The following NFIB variants were observed in gnomAD, a reference collection of about 807,000 sequenced individuals.
NFIB encodes nuclear factor I B, also known as nuclear factor 1 B-type.
In NFIB, 11 loss-of-function variants were observed where a neutral mutation model predicts 61.5. The observed-to-expected ratio is 0.18, with a 90% CI of 0.11 to 0.30. The LOEUF is 0.30. Among genes scored for constraint, NFIB ranks in the 10% least tolerant of loss-of-function variants. The pLI, the probability that NFIB is intolerant of heterozygous loss-of-function variation, is 1.00. For missense variants in NFIB, 471 were observed against 608.9 expected (o/e 0.77, Z 2.38); for synonymous variants, 260 against 216.5 (o/e 1.20, Z -1.76).
chr9:14,421,109 A>G, the NFIB span, among the ~76,000 whole-genome samples: 1 of 149,866 alleles, frequency 6.7e-6, no homozygotes, highest in East Asian at 1.9e-4. Flanking sequence ...TAAGGCATGT[A>G]TACCATGTGC....
intron 1 of NFIB, among the ~76,000 whole-genome samples, chr9:14,376,908 A>G (rs1211766345): frequency 1.3e-5 from 2 of 152,122 alleles, no homozygotes; most frequent in African/African-American, 4.8e-5. Flanking sequence ...CCTTCCTACA[A>G]TGATACAACT....
the NFIB span, among the ~76,000 whole-genome samples, chr9:14,446,793 T>C: frequency 1.3e-5 from 2 of 152,184 alleles, no homozygotes; most frequent in Non-Finnish European, 2.9e-5. Flanking sequence ...ATAGTATTAA[T>C]AAAAACAACT....
At chr9:14,232,745 G>C (rs2053337945) in intron 2 of NFIB, among the ~76,000 whole-genome samples, 1 of 152,184 alleles carries the variant, frequency 6.6e-6, no homozygotes, top group South Asian at 2.1e-4. Flanking sequence ...ACTCTTAAGT[G>C]ATTTACAGAA....
chr9:14,121,459 G>A (rs1563805697), intron 7 of NFIB, among the ~76,000 whole-genome samples: 1 of 152,132 alleles, frequency 6.6e-6, no homozygotes, highest in Non-Finnish European at 1.5e-5. Flanking sequence ...CATCCTACCT[G>A]GCAATTGTTT....
At chr9:14,440,932 G>T in the NFIB span, among the ~76,000 whole-genome samples, 1 of 152,148 alleles carries the variant, frequency 6.6e-6, no homozygotes, top group Non-Finnish European at 1.5e-5. Context: ...GAAAGGTGTT[G>T]TGTAGAACAT....
At chr9:14,250,561 G>T (rs1245200871) in intron 2 of NFIB, among the ~76,000 whole-genome samples, 1 of 152,176 alleles carries the variant, frequency 6.6e-6, no homozygotes, top group Non-Finnish European at 1.5e-5. Context: ...ATTTTGTGAA[G>T]GAGTGCTGAA....
rs118096137 is a variant in NFIB, at chr9:14,145,282, G to C, written c.925+1407C>G. ...AAATTTGCCTCCCCACCTAACACAG[G>C]GTTATGCTTTTGTCTCAGTTCCCAC... On this transcript the variant is annotated intron_variant, in intron 6 of 10. Transcript: ENST00000380953. Among the ~76,000 whole-genome samples the C allele has an allele frequency of 2.3e-3, 352 of 152,026 alleles. 2 individuals carry two copies. The highest frequency in any genetic ancestry group is 4.3e-3 in the Non-Finnish European group (291 of 67,978).
intron 1 of NFIB, among the ~76,000 whole-genome samples, chr9:14,385,003 T>G (rs1808971352): frequency 6.6e-6 from 1 of 152,236 alleles, no homozygotes; most frequent in Admixed American, 6.5e-5. Context: ...CCTCTGTAAG[T>G]ACATAGGCTT....
the NFIB span, among the ~76,000 whole-genome samples, chr9:14,452,236 G>A: frequency 6.6e-6 from 1 of 152,140 alleles, no homozygotes; most frequent in Admixed American, 6.5e-5. Flanking sequence ...TTAGAGGTAT[G>A]AGCTACTAAA....
chr9:14,402,309 G>A (rs1218547295), upstream of NFIB, among the ~76,000 whole-genome samples: 1 of 152,276 alleles, frequency 6.6e-6, no homozygotes, highest in East Asian at 1.9e-4. Context: ...AAAATTATTA[G>A]CTTATGTCAA....
At chr9:14,280,708 G>A (rs936813563) in intron 2 of NFIB, among the ~76,000 whole-genome samples, 2 of 152,086 alleles carry the variant, frequency 1.3e-5, no homozygotes, top group Non-Finnish European at 2.9e-5. Context: ...TGGGTGCATA[G>A]GAGGTGTCTG....
chr9:14,093,840 C>T (rs976589953), intron 10 of NFIB, among the ~76,000 whole-genome samples: 1 of 152,006 alleles, frequency 6.6e-6, no homozygotes, highest in Admixed American at 6.6e-5. Flanking sequence ...AAAAAATGCT[C>T]GCTCAGACCA....
chr9:14,514,728 T>C, the NFIB span, among the ~76,000 whole-genome samples: 1 of 152,246 alleles, frequency 6.6e-6, no homozygotes, highest in Non-Finnish European at 1.5e-5. Context: ...GCCTCCTTGA[T>C]TACTTTTTTT....
At chr9:14,416,635 C>T in the NFIB span, among the ~76,000 whole-genome samples, 1 of 151,948 alleles carries the variant, frequency 6.6e-6, no homozygotes, top group African/African-American at 2.4e-5. Context: ...AAACGGTTAA[C>T]AAGTTAAAAA....
the NFIB span, among the ~76,000 whole-genome samples, chr9:14,420,988 T>C: frequency 6.6e-6 from 1 of 151,832 alleles, no homozygotes; most frequent in African/African-American, 2.4e-5. Flanking sequence ...TCTTAGTTAA[T>C]TATAAGTAAA....
intron 2 of NFIB, among the ~76,000 whole-genome samples, chr9:14,222,790 T>C (rs2051841913): frequency 1.6e-3 from 1 of 612 alleles, no homozygotes; most frequent in East Asian, 0.029. Context: ...AGTAAGATCC[T>C]GTCTCAAAAA....
chr9:14,149,807 G>A (rs887641496), intron 5 of NFIB, among the ~76,000 whole-genome samples: 1 of 152,098 alleles, frequency 6.6e-6, no homozygotes, highest in Non-Finnish European at 1.5e-5. Flanking sequence ...TTATAAACCA[G>A]AGATCATTGC....
At chr9:14,234,438 C>T (rs1374544909) in intron 2 of NFIB, among the ~76,000 whole-genome samples, 3 of 151,372 alleles carry the variant, frequency 2.0e-5, no homozygotes, top group Admixed American at 6.6e-5. Flanking sequence ...GGCGGGATCT[C>T]GGCTCACTGC....
chr9:14,427,937 G>GTTGTTTTTT, the NFIB span, among the ~76,000 whole-genome samples: 2 of 43,384 alleles, frequency 4.6e-5, no homozygotes, highest in Non-Finnish European at 4.4e-5. Flanking sequence ...TAATTCAGTT[G>GTTGTTTTTT]TTTTTTTTTT....
Sources: allele counts gnomAD v4.1 joint callset (sites outside exome capture counted in the v4.1 genomes callset), GRCh38; gene constraint gnomAD v4.1.1; transcripts MANE v1.5; gene names NCBI Gene and HGNC (gene_info 2026-07-23, HGNC 2026-07-21).